CNOT10: variants seen among roughly 807,000 people sequenced by gnomAD.
CNOT10 encodes the protein CCR4-NOT transcription complex subunit 10.
A neutral mutation model predicts 94.6 loss-of-function variants in CNOT10; 30 were observed. The observed-to-expected ratio is 0.32, with a 90% CI of 0.24 to 0.43. The LOEUF (loss-of-function observed/expected upper bound fraction) is 0.43. Among genes scored for constraint, CNOT10 ranks in the 20% least tolerant of loss-of-function variants. CNOT10 has a pLI of 1.00. For synonymous variants in CNOT10, 289 were observed against 301.6 expected (o/e 0.96, Z 0.43); for missense variants, 759 against 877.2 (o/e 0.87, Z 1.70).
intron 14 of CNOT10, among the ~76,000 whole-genome samples, chr3:32,761,554 G>A (rs183885424): frequency 4.6e-5 from 7 of 150,736 alleles, no homozygotes; most frequent in East Asian, 2.0e-4. Context: ...CACCACACCC[G>A]GCTAATTTTT....
At chr3:32,697,043 C>T (rs995485847) in intron 1 of CNOT10, among the ~76,000 whole-genome samples, 17 of 151,734 alleles carry the variant, frequency 1.1e-4, no homozygotes, top group Admixed American at 5.3e-4. Context: ...CTCTGCCTTC[C>T]GGGTTCCAGT....
At chr3:32,695,909 C>A in intron 1 of CNOT10, 1 of 1,123,990 alleles carries the variant, frequency 8.9e-7, no homozygotes, top group Non-Finnish European at 1.3e-6. Flanking sequence ...CCATTTCTGG[C>A]AGAAAACTCG....
chr3:32,726,352 C>G (rs1698664420), intron 9 of CNOT10, among the ~76,000 whole-genome samples: 1 of 152,102 alleles, frequency 6.6e-6, no homozygotes, highest in Non-Finnish European at 1.5e-5. Flanking sequence ...CATATGGATC[C>G]TTGATCTGAA....
At chr3:32,756,395 ACAGAAT>A (rs1248914612) in intron 13 of CNOT10, among the ~76,000 whole-genome samples, 2 of 152,306 alleles carry the variant, frequency 1.3e-5, no homozygotes, top group Non-Finnish European at 2.9e-5. Context: ...TTCCTGGGAA[ACAGAAT>A]CCTGCTGCAA....
intron 1 of CNOT10, among the ~76,000 whole-genome samples, chr3:32,691,769 C>T (rs1177721356): frequency 1.3e-5 from 2 of 152,120 alleles, no homozygotes; most frequent in Non-Finnish European, 2.9e-5. Context: ...TAAAAATTTC[C>T]TGCCAGCCAG....
chr3:32,737,328 G>C, intron 12 of CNOT10, 82 bp from the exon 13 acceptor site: 1 of 929,198 alleles, frequency 1.1e-6, no homozygotes, highest in East Asian at 2.6e-5. Flanking sequence ...AAAAAGTTGG[G>C]AGTAAGGACA....
intron 13 of CNOT10, among the ~76,000 whole-genome samples, chr3:32,742,984 C>CT (rs11425595): frequency 0.28 from 34,706 of 122,674 alleles, 5,893 homozygotes; most frequent in African/African-American, 0.46. Context: ...GAATACTAAT[C>CT]TTTTTTTTTT....
At chr3:32,732,966 A>G (rs1053437355) in intron 10 of CNOT10, among the ~76,000 whole-genome samples, 2 of 152,210 alleles carry the variant, frequency 1.3e-5, no homozygotes, top group African/African-American at 4.8e-5. Flanking sequence ...ATTAAAGTTT[A>G]TATATTGTTG....
At chr3:32,747,916 C>G (rs570164264) in intron 13 of CNOT10, among the ~76,000 whole-genome samples, 1 of 152,290 alleles carries the variant, frequency 6.6e-6, no homozygotes, top group Non-Finnish European at 1.5e-5. Context: ...CCACTGCACT[C>G]CAGCCCAGCG....
At chr3:32,764,855 C>T in intron 17 of CNOT10, 46 bp downstream of exon 17, 1 of 1,601,454 alleles carries the variant, frequency 6.2e-7, no homozygotes, top group South Asian at 1.1e-5. Flanking sequence ...GCAGCCAACA[C>T]AAGTTTGAGG....
chr3:32,705,303 T>C (rs889114022), intron 3 of CNOT10, among the ~76,000 whole-genome samples: 2 of 152,212 alleles, frequency 1.3e-5, no homozygotes, highest in African/African-American at 4.8e-5. Context: ...TGATTAATCC[T>C]AATGTCAAGT....
At chr3:32,710,050 G>A (rs1697809422) in intron 4 of CNOT10, among the ~76,000 whole-genome samples, 1 of 148,856 alleles carries the variant, frequency 6.7e-6, no homozygotes, top group African/African-American at 2.5e-5. Flanking sequence ...GGAAGGCTGA[G>A]ACAGGAGGAT....
intron 13 of CNOT10, among the ~76,000 whole-genome samples, chr3:32,748,492 A>G (rs1365526850): frequency 6.6e-6 from 1 of 152,002 alleles, no homozygotes; most frequent in African/African-American, 2.4e-5. Context: ...AGAATAATGT[A>G]TTTTTCTTCT....
chr3:32,718,197 T>C (rs917291126), intron 7 of CNOT10, among the ~76,000 whole-genome samples: 4 of 151,760 alleles, frequency 2.6e-5, no homozygotes, highest in South Asian at 4.2e-4. Context: ...TTGAGAACAA[T>C]TGTGGCCTAG....
intron 17 of CNOT10, among the ~76,000 whole-genome samples, chr3:32,768,792 A>G (rs549700997): frequency 6.6e-6 from 1 of 152,210 alleles, no homozygotes; most frequent in South Asian, 2.1e-4. Flanking sequence ...CTAGTCTGAG[A>G]TTTCTCCTAA....
chr3:32,720,320 A>T, intron 8 of CNOT10, 89 bp downstream of exon 8: 1 of 566,958 alleles, frequency 1.8e-6, no homozygotes, highest in Non-Finnish European at 3.2e-6. Context: ...CAGTCTTTTG[A>T]GTGATTTATG....
chr3:32,715,953 A>C, intron 5 of CNOT10: 1 of 258,534 alleles, frequency 3.9e-6, no homozygotes, highest in Non-Finnish European at 7.3e-6. Context: ...CTACAGGTAC[A>C]TGGCCACCAT....
intron 13 of CNOT10, among the ~76,000 whole-genome samples, chr3:32,745,094 G>T (rs992836175): frequency 6.6e-6 from 1 of 151,992 alleles, no homozygotes; most frequent in Non-Finnish European, 1.5e-5. Flanking sequence ...GGCCAGGCTG[G>T]TATTGAACTC....
chr3:32,741,248 ATTG>A (rs1342088009), intron 13 of CNOT10, among the ~76,000 whole-genome samples: 1 of 152,172 alleles, frequency 6.6e-6, no homozygotes, highest in Non-Finnish European at 1.5e-5. Context: ...GAGTAAATCA[ATTG>A]TTGTTCCTTT....
Sources: allele counts gnomAD v4.1 joint callset (sites outside exome capture counted in the v4.1 genomes callset), GRCh38; gene constraint gnomAD v4.1.1; transcripts MANE v1.5; gene names NCBI Gene and HGNC (gene_info 2026-07-23, HGNC 2026-07-21).